FEZ1: variants seen among roughly 807,000 people sequenced by gnomAD.
FEZ1 encodes fasciculation and elongation protein zeta-1.
FEZ1 carries 20 observed loss-of-function variants against 49.3 expected under a neutral mutation model. The ratio of observed to expected loss-of-function variants is 0.41; its 90% CI spans 0.29 to 0.59. The LOEUF (loss-of-function observed/expected upper bound fraction) is 0.59, where lower values mean the gene tolerates loss of function less well. FEZ1 is among the 20% of genes least tolerant of loss of function. The pLI, the probability that FEZ1 is intolerant of heterozygous loss-of-function variation, is 0.36. For missense variants in FEZ1, 413 were observed against 476.0 expected (o/e 0.87, Z 1.23); for synonymous variants, 170 against 180.9 (o/e 0.94, Z 0.48).
intron 3 of FEZ1, among the ~76,000 whole-genome samples, chr11:125,473,179 TA>T (rs570334895): frequency 6.6e-6 from 1 of 151,946 alleles, no homozygotes; most frequent in African/African-American, 2.4e-5. Flanking sequence ...TTAGGGATGA[TA>T]AAAAAAGACA....
intron 4 of FEZ1, 25 bp from the exon 5 acceptor site, chr11:125,460,691 C>A: frequency 6.2e-7 from 1 of 1,603,634 alleles, no homozygotes; most frequent in South Asian, 1.1e-5. Flanking sequence ...CGAGAGAGTG[C>A]TAACTCTGTT....
At chr11:125,463,887 G>A (rs993850539) in intron 3 of FEZ1, among the ~76,000 whole-genome samples, 3 of 152,160 alleles carry the variant, frequency 2.0e-5, no homozygotes, top group Non-Finnish European at 4.4e-5. Context: ...GTCATCCTGG[G>A]GTGAACAAGG....
chr11:125,494,761 C>T (rs1168642357), intron 1 of FEZ1, among the ~76,000 whole-genome samples: 2 of 152,196 alleles, frequency 1.3e-5, no homozygotes, highest in Non-Finnish European at 1.5e-5. Context: ...CGTCTCCCTG[C>T]AGCACAATGA....
At chr11:125,456,278 G>T in intron 5 of FEZ1, 172 bp from the exon 6 acceptor site, 2 of 619,496 alleles carry the variant, frequency 3.2e-6, no homozygotes, top group Non-Finnish European at 5.4e-6. Flanking sequence ...CCAGGAAGGC[G>T]GGGGCCTGTG....
At chr11:125,470,036 T>A (rs1026994270) in intron 3 of FEZ1, among the ~76,000 whole-genome samples, 1 of 152,040 alleles carries the variant, frequency 6.6e-6, no homozygotes, top group Non-Finnish European at 1.5e-5. Flanking sequence ...CTTTTAAATA[T>A]GAAAAGATGC....
intron 2 of FEZ1, chr11:125,488,545 TG>T (rs1314637394): frequency 6.1e-6 from 1 of 165,060 alleles, no homozygotes; most frequent in African/African-American, 2.4e-5. Flanking sequence ...TCGGGCATGG[TG>T]GCGCACACCT....
At chr11:125,467,960 GA>G (rs768137653) in intron 3 of FEZ1, among the ~76,000 whole-genome samples, 86 of 152,218 alleles carry the variant, frequency 5.6e-4, no homozygotes, top group Admixed American at 8.5e-4. Context: ...TACATCACAG[GA>G]ATAGAATAGA....
At chr11:125,457,481 C>CACATATATGTGTATATATGTATATATAT (rs1388662156) in intron 5 of FEZ1, among the ~76,000 whole-genome samples, 8 of 33,746 alleles carry the variant, frequency 2.4e-4, no homozygotes, top group Admixed American at 9.1e-4. Flanking sequence ...TGTATATATA[C>CACATATATGTGTATATATGTATATATAT]ACATATATGT....
chr11:125,490,695 C>T (rs1184323117), intron 1 of FEZ1, among the ~76,000 whole-genome samples: 9 of 152,076 alleles, frequency 5.9e-5, no homozygotes, highest in Admixed American at 5.9e-4. Flanking sequence ...GGTCCCATCT[C>T]TATTTTTATT....
rs931665431 is a variant in FEZ1 at position 125,443,445 on chromosome 11, T to A, written c.*2650A>T. Among the ~76,000 whole-genome samples, 3 of 152,238 alleles carry A rather than the reference T, an allele frequency of 2.0e-5. No individual in the cohort carries two copies. Among genetic ancestry groups the A allele is most frequent in the African/African-American group, 7.2e-5 (3 of 41,466 alleles). ...AGGGCAGAGTTTCTCTAATCCTTGA[T>A]GCAAATACAAGTTGCAGGGAGATTT... is the stretch of plus-strand genomic sequence containing the variant. On this transcript the variant is annotated 3_prime_UTR_variant, in exon 10 of 10. Coordinates refer to ENST00000278919, the MANE Select transcript of FEZ1 (RefSeq NM_005103.5).
intron 5 of FEZ1, among the ~76,000 whole-genome samples, chr11:125,459,964 C>A (rs1957057929): frequency 6.6e-6 from 1 of 151,982 alleles, no homozygotes; most frequent in East Asian, 1.9e-4. Flanking sequence ...GGCGTGGTGG[C>A]ACGTGCCTGT....
chr11:125,463,562 C>T lies in FEZ1; in HGVS notation c.420G>A (p.Glu140=), dbSNP rs1419266652. ...TCTCATTGAACTCTTCCTCTTCTTT[C>T]TCATGGATCTGGAGAGGAGGTGGGG... ...NGNCSDTEIH[E]KEEEEFNEKS... Residue 140 remains glutamate, a synonymous_variant, in exon 4 of 10, where the codon GAG becomes GAA. Transcript: ENST00000278919. The T allele has an allele frequency of 3.7e-6, 6 of 1,604,428 alleles. No homozygotes were observed. Among genetic ancestry groups the T allele is most frequent in the Non-Finnish European group, 5.1e-6 (6 of 1,171,210 alleles).
chr11:125,485,273 A>G (rs577819689), intron 2 of FEZ1, among the ~76,000 whole-genome samples: 1 of 152,208 alleles, frequency 6.6e-6, no homozygotes, highest in East Asian at 1.9e-4. Context: ...TGTAGAATTG[A>G]CTTAAGTATC....
At chr11:125,485,362 G>C (rs561711068) in intron 2 of FEZ1, among the ~76,000 whole-genome samples, 78 of 152,178 alleles carry the variant, frequency 5.1e-4, no homozygotes, top group Non-Finnish European at 9.9e-4. Context: ...GGTGGAGACT[G>C]GGGGGTGCCA....
chr11:125,474,183 C>T (rs1470704283), intron 3 of FEZ1, among the ~76,000 whole-genome samples: 1 of 141,536 alleles, frequency 7.1e-6, no homozygotes, highest in Non-Finnish European at 1.5e-5. Context: ...TGCCACCATG[C>T]CAGGCTAATT....
At chr11:125,458,790 C>T (rs1390823932) in intron 5 of FEZ1, among the ~76,000 whole-genome samples, 2 of 152,128 alleles carry the variant, frequency 1.3e-5, no homozygotes, top group East Asian at 1.9e-4. Context: ...ATCATCGGGC[C>T]GGGCGCAGTG....
chr11:125,460,471 G>T (rs376391892), intron 5 of FEZ1, 27 bp downstream of exon 5: 1 of 1,605,692 alleles, frequency 6.2e-7, no homozygotes, highest in East Asian at 2.2e-5. Flanking sequence ...CTTCCTCCTC[G>T]GCCAGCCCAG....
At chr11:125,478,818 G>C (rs1230445226) in intron 3 of FEZ1, among the ~76,000 whole-genome samples, 1 of 152,238 alleles carries the variant, frequency 6.6e-6, no homozygotes, top group African/African-American at 2.4e-5. Flanking sequence ...ATCTGGAAAT[G>C]AGGATAAATT....
chr11:125,488,353 G>A (rs746507637), intron 2 of FEZ1, among the ~76,000 whole-genome samples: 5 of 152,162 alleles, frequency 3.3e-5, no homozygotes, highest in East Asian at 3.8e-4. Flanking sequence ...TACTAGCAGC[G>A]GTTTCAGGCA....
Sources: gnomAD v4.1 joint callset for allele counts (sites outside exome capture counted in the v4.1 genomes callset) on GRCh38, gnomAD v4.1.1 for gene constraint, MANE v1.5 for transcripts, NCBI Gene and HGNC (gene_info 2026-07-23, HGNC 2026-07-21) for gene names.